The following SDK1 variants were observed in gnomAD, a reference collection of about 807,000 sequenced individuals.
SDK1 encodes the protein sidekick cell adhesion molecule 1.
In SDK1, 157 loss-of-function variants were observed where a neutral mutation model predicts 245.5. That is an observed-to-expected ratio of 0.64 (90% confidence interval 0.56 to 0.73). The LOEUF (loss-of-function observed/expected upper bound fraction) is 0.73, where lower values mean the gene tolerates loss of function less well. Among genes scored for constraint, SDK1 ranks in the 30% least tolerant of loss-of-function variants. The pLI is 0.00. For synonymous variants in SDK1, 1,647 were observed against 1,278.5 expected (o/e 1.29, Z -6.15); for missense variants, 3,583 against 3,002.3 (o/e 1.19, Z -4.52).
At chr7:3,354,505 G>A (rs1780742728) in intron 1 of SDK1, among the ~76,000 whole-genome samples, 1 of 152,188 alleles carries the variant, frequency 6.6e-6, no homozygotes, top group Non-Finnish European at 1.5e-5. Flanking sequence ...CATAATAAAA[G>A]TTAAAGTTAA....
In SDK1 at chr7:4,268,713, A is replaced by G. The variant is rs1788623461; in HGVS notation, c.*3329A>G. ...CTCCTGACGAGCAACCCGTCTGCGTACCTAAGTGTGGCTCCCCGTGGGTCA... is the reference window on the plus strand; with the variant it reads ...CTCCTGACGAGCAACCCGTCTGCGTGCCTAAGTGTGGCTCCCCGTGGGTCA... On this transcript the variant is annotated 3_prime_UTR_variant, in exon 45 of 45. Transcript: ENST00000404826. 1 of 1,367,720 alleles carries G rather than the reference A, an allele frequency of 7.3e-7. No individual in the cohort carries two copies. 84.7% of individuals were successfully genotyped at this position (1,367,720 alleles called of 1,614,324 possible). A position where few individuals can be genotyped will look rare whatever the true frequency, so the allele number is the denominator to read the frequency against.
chr7:3,764,834 G>A (rs868063925), intron 4 of SDK1, among the ~76,000 whole-genome samples: 11 of 151,962 alleles, frequency 7.2e-5, no homozygotes, highest in Non-Finnish European at 1.2e-4. Flanking sequence ...GAAACAGATA[G>A]GAAAATCCAG....
chr7:4,068,150 C>A (rs970359882), intron 20 of SDK1, among the ~76,000 whole-genome samples: 12 of 152,192 alleles, frequency 7.9e-5, no homozygotes, highest in African/African-American at 2.7e-4. Flanking sequence ...ACTGTGTGGG[C>A]AGCAGCCATA....
chr7:3,554,050 C>T (rs757701668), intron 1 of SDK1, among the ~76,000 whole-genome samples: 4 of 152,142 alleles, frequency 2.6e-5, no homozygotes, highest in Non-Finnish European at 5.9e-5. Context: ...AGGGTGACTG[C>T]CTAGACAGGA....
chr7:4,139,695 G>GTT (rs1429964432), intron 28 of SDK1, among the ~76,000 whole-genome samples: 15,160 of 58,356 alleles, frequency 0.26, 4,445 homozygotes, highest in African/African-American at 0.59. Context: ...GTGTGTATGT[G>GTT]TGTGTGTGTA....
intron 1 of SDK1, among the ~76,000 whole-genome samples, chr7:3,497,809 G>T (rs1388465601): frequency 6.6e-6 from 1 of 152,090 alleles, no homozygotes; most frequent in East Asian, 1.9e-4. Context: ...ACAATAATTT[G>T]ACAGACAAAC....
At chr7:4,159,064 G>A (rs180726345) in intron 31 of SDK1, among the ~76,000 whole-genome samples, 3 of 152,208 alleles carry the variant, frequency 2.0e-5, no homozygotes, top group South Asian at 2.1e-4. Flanking sequence ...TCTATCAGCC[G>A]CGTCCAGCGG....
intron 13 of SDK1, chr7:3,974,807 T>A: frequency 2.5e-6 from 1 of 399,592 alleles, no homozygotes; most frequent in Non-Finnish European, 4.6e-6. Flanking sequence ...TTTGTCATAT[T>A]TTTCCCGTGG....
At chr7:3,325,038 T>A (rs926554391) in intron 1 of SDK1, among the ~76,000 whole-genome samples, 3 of 152,184 alleles carry the variant, frequency 2.0e-5, no homozygotes, top group African/African-American at 7.2e-5. Context: ...TCTCTGGAAC[T>A]GCATTTATCA....
chr7:3,375,776 G>A (rs1781340059), intron 1 of SDK1, among the ~76,000 whole-genome samples: 2 of 152,172 alleles, frequency 1.3e-5, no homozygotes, highest in African/African-American at 4.8e-5. Context: ...TCAGATGACG[G>A]CAGCTCTGGG....
In SDK1 at chr7:3,810,242, A is replaced by G. The variant is rs550900950; in HGVS notation, c.714-11208A>G. Among the ~76,000 whole-genome samples, 104 of 152,252 alleles carry G rather than the reference A, an allele frequency of 6.8e-4. 1 individual carries two copies. Among genetic ancestry groups the G allele is most frequent in the African/African-American group, 2.3e-3 (96 of 41,538 alleles). On this transcript the variant is annotated intron_variant, in intron 4 of 44. Coordinates refer to ENST00000404826, the MANE Select transcript of SDK1 (RefSeq NM_152744.4). ...TCTGTCCTCACTTTTCATGGTTTCC[A>G]ATTTGACTGGATTTTACACTCTTGG...
chr7:3,957,949 C>T (rs1781397400), intron 7 of SDK1: 2 of 470,440 alleles, frequency 4.3e-6, no homozygotes, highest in Non-Finnish European at 8.8e-6. Flanking sequence ...AGTGAAACAT[C>T]ACTTTGCCTC....
Position 3,524,556 on chromosome 7 carries a change from A to G in SDK1, c.299-94524A>G, listed in dbSNP as rs181205511. Among the ~76,000 whole-genome samples the G allele has an allele frequency of 2.4e-3, 367 of 152,256 alleles. 3 individuals are homozygous for G. Among genetic ancestry groups the G allele is most frequent in the South Asian group, 0.018 (87 of 4,824 alleles). On this transcript the variant is annotated intron_variant, in intron 1 of 44. Transcript: ENST00000404826. ...TGTGTGTGTATGTGCGCGCTCATGTACACTTGTACATGTACCTGTAAATAA... is the reference window on the plus strand; with the variant it reads ...TGTGTGTGTATGTGCGCGCTCATGTGCACTTGTACATGTACCTGTAAATAA...
At chr7:3,608,793 G>A (rs1421420532) in intron 1 of SDK1, among the ~76,000 whole-genome samples, 2 of 152,200 alleles carry the variant, frequency 1.3e-5, no homozygotes, top group Non-Finnish European at 2.9e-5. Context: ...CAGAGTCCGC[G>A]TTGCAACTAA....
chr7:3,417,777 TAGC>T (rs1403315828), intron 1 of SDK1, among the ~76,000 whole-genome samples: 1 of 152,142 alleles, frequency 6.6e-6, no homozygotes, highest in Non-Finnish European at 1.5e-5. Flanking sequence ...GTGAATAAAA[TAGC>T]AGTGTCCAGC....
At chr7:4,133,110 A>G (rs973812559) in intron 28 of SDK1, among the ~76,000 whole-genome samples, 1 of 152,214 alleles carries the variant, frequency 6.6e-6, no homozygotes, top group Non-Finnish European at 1.5e-5. Flanking sequence ...TCCTGGAAAC[A>G]TCTTTCTGCT....
intron 1 of SDK1, among the ~76,000 whole-genome samples, chr7:3,353,627 G>C (rs1279145807): frequency 2.0e-5 from 3 of 152,166 alleles, no homozygotes; most frequent in Non-Finnish European, 4.4e-5. Flanking sequence ...TTTCTGAATG[G>C]TTAGTGGAGC....
chr7:4,101,219 GC>G (rs1171511615), intron 22 of SDK1, among the ~76,000 whole-genome samples: 3 of 151,718 alleles, frequency 2.0e-5, no homozygotes, highest in Non-Finnish European at 4.4e-5. Flanking sequence ...TGCGATCTCG[GC>G]AAGCTCCGCC....
At chr7:4,248,896 C>G (rs1363711076) in intron 44 of SDK1, among the ~76,000 whole-genome samples, 1 of 152,148 alleles carries the variant, frequency 6.6e-6, no homozygotes, top group Non-Finnish European at 1.5e-5. Flanking sequence ...AGTACAAGCA[C>G]ACATGCATAC....
Sources: allele counts gnomAD v4.1 joint callset (sites outside exome capture counted in the v4.1 genomes callset), GRCh38; gene constraint gnomAD v4.1.1; transcripts MANE v1.5; gene names NCBI Gene and HGNC (gene_info 2026-07-23, HGNC 2026-07-21).